AGAP1: variants seen among roughly 807,000 people sequenced by gnomAD.
AGAP1 encodes the protein ArfGAP with GTPase domain, ankyrin repeat and PH domain 1.
A neutral mutation model predicts 105.3 loss-of-function variants in AGAP1; 29 were observed. The ratio of observed to expected loss-of-function variants is 0.28; its 90% confidence interval spans 0.21 to 0.38. The LOEUF is 0.38. AGAP1 is among the 10% of genes least tolerant of loss of function. The pLI is 1.00. For synonymous variants in AGAP1, 509 were observed against 485.9 expected (o/e 1.05, Z -0.63); for missense variants, 998 against 1,165.1 (o/e 0.86, Z 2.09).
At chr2:235,835,025 A>G (rs1254213570) in intron 9 of AGAP1, among the ~76,000 whole-genome samples, 1 of 152,234 alleles carries the variant, frequency 6.6e-6, no homozygotes, top group Non-Finnish European at 1.5e-5. Flanking sequence ...AGTCTCGCTT[A>G]AAGTCTTGGC....
In AGAP1 at chr2:236,114,345, A is replaced by C. The variant is rs540323122; in HGVS notation, c.2115-5847A>C. The stretch of plus-strand genomic sequence containing the variant: ...GGCTTCTTAGGGCAAATGCCTCTAG[A>C]CGGAATAGTCTCATCGAGAAGAAGC... On this transcript the variant is annotated intron_variant, in intron 16 of 17. Coordinates refer to ENST00000304032, the MANE Select transcript of AGAP1 (RefSeq NM_001037131.3). The surrounding 1 kb of genome is among the most constrained non-coding windows in gnomAD (Gnocchi z 5.0). 6.6e-6 allele frequency among the ~76,000 whole-genome samples: 1 copy of C among 152,288 alleles called. No individual in the cohort carries two copies. The highest frequency in any genetic ancestry group is 2.1e-4 in the South Asian group (1 of 4,828).
intron 1 of AGAP1, among the ~76,000 whole-genome samples, chr2:235,513,462 A>G (rs951587609): frequency 1.4e-5 from 2 of 146,460 alleles, no homozygotes; most frequent in Non-Finnish European, 3.0e-5. Flanking sequence ...CAGAGGTCGC[A>G]GCGAACTGAG....
At position 235,906,813 on chromosome 2, in the gene AGAP1, A is replaced by G. The variant is rs1354229769; in HGVS notation, c.1156-1925A>G. ...TGTTGTGCCTTTTCTTCTATCAGCA[A>G]ACATCTACTTGTTGATAAACCCGTG... On this transcript the variant is annotated intron_variant, in intron 10 of 17. Transcript: ENST00000304032. This position sits in a 1 kb window ranked among gnomAD's most constrained non-coding sequence, Gnocchi z 5.3. Among the ~76,000 whole-genome samples, 1 of 152,224 alleles carries G rather than the reference A, an allele frequency of 6.6e-6. No individual in the cohort carries two copies. Among genetic ancestry groups the G allele is most frequent in the Non-Finnish European group, 1.5e-5 (1 of 68,038 alleles).
Position 235,721,256 on chromosome 2 carries a change from C to T in AGAP1, c.310+3612C>T, listed in dbSNP as rs1274385648. ...CTCCTGACCTTAAGTGATCCACCTGCCTGGGCCTCCCAAAGTGCTGGGATT... is the reference window on the plus strand; with the variant it reads ...CTCCTGACCTTAAGTGATCCACCTGTCTGGGCCTCCCAAAGTGCTGGGATT... On this transcript the variant is annotated intron_variant, in intron 3 of 17. Transcript: ENST00000304032. The surrounding 1 kb of genome is among the most constrained non-coding windows in gnomAD (Gnocchi z 4.5). Among the ~76,000 whole-genome samples, 1 of 152,184 alleles carries T rather than the reference C, an allele frequency of 6.6e-6. No individual in the cohort carries two copies. The highest frequency in any genetic ancestry group is 1.5e-5 in the Non-Finnish European group (1 of 68,030).
chr2:235,612,333 C>T lies in AGAP1; in HGVS notation c.164-96846C>T, dbSNP rs1881189. ...GAGGCGGTGCCTGGTTAAAGTGGGG[C>T]TCAGATGCCCCTTGGTTGCATTTAA... On this transcript the variant is annotated intron_variant, in intron 1 of 17. Coordinates refer to ENST00000304032, the MANE Select transcript of AGAP1 (RefSeq NM_001037131.3). The surrounding 1 kb of genome is among the most constrained non-coding windows in gnomAD (Gnocchi z 4.3). 1.3e-5 allele frequency among the ~76,000 whole-genome samples: 2 copies of T among 152,106 alleles called. No individual in the cohort carries two copies. Among genetic ancestry groups the T allele is most frequent in the East Asian group, 3.9e-4 (2 of 5,166 alleles).
intron 1 of AGAP1, among the ~76,000 whole-genome samples, chr2:235,548,871 T>TTTTG (rs1256184196): frequency 5.3e-5 from 8 of 152,150 alleles, no homozygotes; most frequent in African/African-American, 1.9e-4. Flanking sequence ...ACTGCCCCGT[T>TTTTG]TTTGAACATA....
chr2:236,025,206 AC>A (rs1256401897), intron 13 of AGAP1, among the ~76,000 whole-genome samples: 4 of 152,160 alleles, frequency 2.6e-5, no homozygotes, highest in African/African-American at 9.7e-5. Flanking sequence ...GTGAAATGAC[AC>A]CACTAAAAGT....
chr2:235,690,329 G>A lies in AGAP1; in HGVS notation c.164-18850G>A, dbSNP rs1427656040. Among the ~76,000 whole-genome samples the A allele has an allele frequency of 3.8e-5, 2 of 52,508 alleles. No homozygotes were observed. The highest frequency in any genetic ancestry group is 2.7e-4 in the Admixed American group (1 of 3,728). 34.4% of individuals were successfully genotyped at this position (52,508 alleles called of 152,430 possible). On this transcript the variant is annotated intron_variant, in intron 1 of 17. Transcript: ENST00000304032. The surrounding 1 kb of genome is among the most constrained non-coding windows in gnomAD (Gnocchi z 4.1). ...AAAGCAGCAGGTGGGGTGGACTCCT[G>A]GGGCTGGGGAGGCCGTGCCCTGGGG... is the stretch of plus-strand genomic sequence containing the variant.
chr2:235,915,944 A>G (rs983375338), intron 11 of AGAP1, among the ~76,000 whole-genome samples: 1 of 152,200 alleles, frequency 6.6e-6, no homozygotes, highest in Non-Finnish European at 1.5e-5. Flanking sequence ...TACCTACAAA[A>G]GAAGAGAAAT....
rs906460623 is a variant in AGAP1, at chr2:235,739,433, G to A, written c.311-1530G>A. Among the ~76,000 whole-genome samples the A allele has an allele frequency of 7.9e-5, 12 of 152,240 alleles. No individual in the cohort carries two copies. The highest frequency in any genetic ancestry group is 2.7e-4 in the African/African-American group (11 of 41,468). On this transcript the variant is annotated intron_variant, in intron 3 of 17. Transcript: ENST00000304032. The surrounding 1 kb of genome is among the most constrained non-coding windows in gnomAD (Gnocchi z 5.3). ...GGGGCTCACCCTGTCTGGACCCAGCGGCCTGACTGGCCTGGATGTGTCCCC... is the reference window on the plus strand; with the variant it reads ...GGGGCTCACCCTGTCTGGACCCAGCAGCCTGACTGGCCTGGATGTGTCCCC...
chr2:235,768,878 C>T (rs1391141249), intron 6 of AGAP1, among the ~76,000 whole-genome samples: 1 of 152,184 alleles, frequency 6.6e-6, no homozygotes. Flanking sequence ...TCTGATTCAT[C>T]GAGTTCCCAG....
intron 1 of AGAP1, among the ~76,000 whole-genome samples, chr2:235,677,736 A>G (rs1212211211): frequency 2.6e-5 from 4 of 151,798 alleles, no homozygotes; most frequent in African/African-American, 7.3e-5. Flanking sequence ...GCTGACCGTC[A>G]GGCACTTGAG....
chr2:236,025,328 G>A (rs377227765), intron 13 of AGAP1, among the ~76,000 whole-genome samples: 12 of 152,052 alleles, frequency 7.9e-5, no homozygotes, highest in Non-Finnish European at 5.9e-5. Context: ...TGGGCCTCAC[G>A]CTGCCAATTA....
Position 236,045,983 on chromosome 2 carries a change from T to C in AGAP1, c.1892-3076T>C, listed in dbSNP as rs2057705688. 1 of 471,628 alleles carries C rather than the reference T, an allele frequency of 2.1e-6. No homozygotes were observed. Among genetic ancestry groups the C allele is most frequent in the African/African-American group, 2.0e-5 (1 of 50,074 alleles). The allele number at this position is 471,628 out of a possible 1,614,324, so 29.2% of individuals were successfully genotyped here. A position where few individuals can be genotyped will look rare whatever the true frequency, so the allele number is the denominator to read the frequency against. On this transcript the variant is annotated intron_variant, in intron 15 of 17. Transcript: ENST00000304032. This position sits in a 1 kb window ranked among gnomAD's most constrained non-coding sequence, Gnocchi z 6.9. ...CACAGGAATGTGTCCCACGCATGAA[T>C]GTCGTCCTTCAGATCTGGACCTGAC...
intron 1 of AGAP1, among the ~76,000 whole-genome samples, chr2:235,501,802 C>T (rs563280944): frequency 1.3e-5 from 2 of 152,146 alleles, no homozygotes; most frequent in African/African-American, 2.4e-5. Flanking sequence ...AATCCTCCAG[C>T]CTTCACGTCC....
In AGAP1 at chr2:235,751,906, C is replaced by T. The variant is rs1192716779; in HGVS notation, c.673+1418C>T. On this transcript the variant is annotated intron_variant, in intron 6 of 17. Transcript: ENST00000304032. This position sits in a 1 kb window ranked among gnomAD's most constrained non-coding sequence, Gnocchi z 5.3. ...TTCTTCCCTCCACTAACGTATATCT[C>T]GGGCACCTCCTGCTGCCTCTGTCGG... is the stretch of plus-strand genomic sequence containing the variant. 3.3e-5 allele frequency among the ~76,000 whole-genome samples: 5 copies of T among 152,184 alleles called. No homozygotes were observed. Among genetic ancestry groups the T allele is most frequent in the Admixed American group, 6.5e-5 (1 of 15,288 alleles).
At chr2:235,776,832 A>C in intron 6 of AGAP1, 5 of 463,264 alleles carry the variant, frequency 1.1e-5, no homozygotes, top group South Asian at 7.9e-5. Context: ...AGGCATCGGC[A>C]CCAACTCGGA....
In AGAP1 at chr2:235,625,379, G is replaced by T. The variant is rs1946605566; in HGVS notation, c.164-83800G>T. ...ACAGTTTGAAAGCCTAGCTGAGGCA[G>T]CTGGAAGAAATTCATGGGAGTCCTG... On this transcript the variant is annotated intron_variant, in intron 1 of 17. Coordinates refer to ENST00000304032, the MANE Select transcript of AGAP1 (RefSeq NM_001037131.3). The surrounding 1 kb of genome is among the most constrained non-coding windows in gnomAD (Gnocchi z 4.0). Among the ~76,000 whole-genome samples the T allele has an allele frequency of 6.6e-6, 1 of 152,220 alleles. No homozygotes were observed. Among genetic ancestry groups the T allele is most frequent in the Non-Finnish European group, 1.5e-5 (1 of 68,046 alleles).
rs922451758 is a variant in AGAP1, at chr2:235,691,951, G to A, written c.164-17228G>A. Among the ~76,000 whole-genome samples, 1 of 152,208 alleles carries A rather than the reference G, an allele frequency of 6.6e-6. No individual in the cohort carries two copies. The highest frequency in any genetic ancestry group is 1.5e-5 in the Non-Finnish European group (1 of 68,040). On this transcript the variant is annotated intron_variant, in intron 1 of 17. Coordinates refer to ENST00000304032, the MANE Select transcript of AGAP1 (RefSeq NM_001037131.3). The surrounding 1 kb of genome is among the most constrained non-coding windows in gnomAD (Gnocchi z 4.4). ...ATGCAGCATATTGTGAAATGTTTCA[G>A]AGAAATAACAGCATCACGATAGCAC...
Sources: allele counts gnomAD v4.1 joint callset (sites outside exome capture counted in the v4.1 genomes callset), GRCh38; gene constraint gnomAD v4.1.1; non-coding constraint Gnocchi (gnomAD v3.1); transcripts MANE v1.5; gene names NCBI Gene and HGNC (gene_info 2026-07-23, HGNC 2026-07-21).